Variants in ADAMTSL3 observed in about 807,000 individuals in gnomAD.
ADAMTSL3 encodes the protein ADAMTS-like protein 3.
Under a neutral mutation model 201.7 loss-of-function variants are expected in ADAMTSL3, and 128 were observed. That is an observed-to-expected ratio of 0.63 (90% confidence interval 0.55 to 0.73). ADAMTSL3 has a LOEUF of 0.73. Ranked by LOEUF, ADAMTSL3 falls within the 30% of genes least tolerant of loss-of-function variation. The pLI, the probability that ADAMTSL3 is intolerant of heterozygous loss-of-function variation, is 0.00. For missense variants in ADAMTSL3, 1,990 were observed against 2,119.6 expected (o/e 0.94, Z 1.20); for synonymous variants, 738 against 748.4 (o/e 0.99, Z 0.23).
chr15:84,002,936 C>CTTTTTTTTTTTTTTTTTTTT (rs368176543), intron 23 of ADAMTSL3, among the ~76,000 whole-genome samples: 131 of 99,916 alleles, frequency 1.3e-3, no homozygotes, highest in Non-Finnish European at 1.5e-3. Context: ...CTTTTCTTTT[C>CTTTTTTTTTTTTTTTTTTTT]TTTTTTTTTT....
chr15:83,857,202 T>A (rs532218906), intron 7 of ADAMTSL3, among the ~76,000 whole-genome samples: 1 of 152,332 alleles, frequency 6.6e-6, no homozygotes, highest in East Asian at 1.9e-4. Context: ...GTATTCTTTA[T>A]ATATGCTAGA....
chr15:83,927,954 C>G (rs1483332984), intron 17 of ADAMTSL3, among the ~76,000 whole-genome samples: 1 of 151,216 alleles, frequency 6.6e-6, no homozygotes, highest in Non-Finnish European at 1.5e-5. Context: ...AAAATTGTGA[C>G]TACAATTTGG....
rs1042262124 is a variant in ADAMTSL3 at position 83,970,559 on chromosome 15, A to G, written c.2566A>G (p.Ile856Val). 2.5e-6 allele frequency: 4 copies of G among 1,614,224 alleles called. No individual in the cohort carries two copies. The highest frequency in any genetic ancestry group is 1.7e-5 in the Admixed American group (1 of 60,026). ...CQRLAAKGRRIPLSEMMCRDL... is the reference protein window; with the variant it reads ...CQRLAAKGRRVPLSEMMCRDL... ...AAGGCTGGCAGCCAAAGGTCGGCGC[A>G]TCCCCCTCAGTGAGATGATGTGCAG... Residue 856 changes from isoleucine to valine, a missense_variant, in exon 20 of 30, where the codon ATC becomes GTC. Ile to Val is a conservative substitution (Grantham distance 29, BLOSUM62 3). Transcript: ENST00000286744.
At position 83,769,847 on chromosome 15, in the gene ADAMTSL3, G is replaced by A. The variant is rs149139251; in HGVS notation, c.190-3676G>A. Among the ~76,000 whole-genome samples, 33 of 149,816 alleles carry A rather than the reference G, an allele frequency of 2.2e-4. No individual in the cohort carries two copies. The East Asian group carries it at 5.7e-3, about 26-fold the overall frequency. On this transcript the variant is annotated intron_variant, in intron 3 of 29. Coordinates refer to ENST00000286744, the MANE Select transcript of ADAMTSL3 (RefSeq NM_207517.3). The stretch of plus-strand genomic sequence containing the variant: ...CTAAGGGCTTAAGGAAACCTTTGCA[G>A]TATCTAGTTCAGTCACATGCTGCAG...
At chr15:83,970,673 CT>C (rs757305224) in intron 20 of ADAMTSL3, 36 bp downstream of exon 20, 36 of 1,607,744 alleles carry the variant, frequency 2.2e-5, no homozygotes, top group Non-Finnish European at 2.9e-5. Flanking sequence ...CCAAGATATG[CT>C]GATTCTGTTC....
intron 6 of ADAMTSL3, among the ~76,000 whole-genome samples, chr15:83,830,640 A>G (rs2064136446): frequency 6.6e-6 from 1 of 152,228 alleles, no homozygotes; most frequent in Non-Finnish European, 1.5e-5. Context: ...GGCAGCTGTG[A>G]CAAATTACCA....
chr15:83,739,063 C>A (rs1281097243), intron 3 of ADAMTSL3, among the ~76,000 whole-genome samples: 1 of 150,760 alleles, frequency 6.6e-6, no homozygotes, highest in African/African-American at 2.4e-5. Flanking sequence ...AATAAAATAG[C>A]AGAAAAATCT....
chr15:83,945,894 C>T (rs2066646391), intron 19 of ADAMTSL3: 1 of 152,198 alleles, frequency 6.6e-6, no homozygotes, highest in African/African-American at 2.4e-5. Flanking sequence ...GTTTCCTTAC[C>T]TGCCTCTCAT....
chr15:83,825,019 C>T (rs2063991719), intron 6 of ADAMTSL3: 1 of 152,182 alleles, frequency 6.6e-6, no homozygotes, highest in Non-Finnish European at 1.5e-5. Flanking sequence ...CCTTTTCACA[C>T]TGAATAATAT....
intron 23 of ADAMTSL3, among the ~76,000 whole-genome samples, chr15:83,991,432 C>G (rs567895004): frequency 6.6e-6 from 1 of 152,230 alleles, no homozygotes; most frequent in Non-Finnish European, 1.5e-5. Flanking sequence ...TGCCAAGTTA[C>G]TTGTTTCCAG....
chr15:83,774,376 A>G (rs1488689682), intron 4 of ADAMTSL3, among the ~76,000 whole-genome samples: 2 of 152,278 alleles, frequency 1.3e-5, no homozygotes, highest in Admixed American at 1.3e-4. Context: ...GATACAGAGT[A>G]GAAATGCAGG....
At chr15:83,874,572 T>C (rs945533686) in intron 9 of ADAMTSL3, among the ~76,000 whole-genome samples, 6 of 143,728 alleles carry the variant, frequency 4.2e-5, no homozygotes, top group Non-Finnish European at 7.5e-5. Context: ...TTTGTGCCTG[T>C]TACCCCTGCT....
intron 8 of ADAMTSL3, among the ~76,000 whole-genome samples, chr15:83,866,458 A>G (rs2064979397): frequency 6.6e-6 from 1 of 152,216 alleles, no homozygotes; most frequent in African/African-American, 2.4e-5. Context: ...TGTCCTTTGT[A>G]GGGACATGGA....
intron 2 of ADAMTSL3, among the ~76,000 whole-genome samples, chr15:83,663,752 G>C (rs1390382166): frequency 1.3e-5 from 2 of 152,132 alleles, no homozygotes; most frequent in Non-Finnish European, 2.9e-5. Context: ...GAAGATCTTG[G>C]GTCGTCTTGG....
chr15:83,726,532 G>A (rs1313622277), intron 3 of ADAMTSL3, among the ~76,000 whole-genome samples: 12 of 152,034 alleles, frequency 7.9e-5, no homozygotes, highest in African/African-American at 2.7e-4. Flanking sequence ...CTCTGGGTCT[G>A]TTATATATGG....
chr15:83,782,132 G>A (rs1185612685), intron 4 of ADAMTSL3, among the ~76,000 whole-genome samples: 1 of 152,110 alleles, frequency 6.6e-6, no homozygotes, highest in Non-Finnish European at 1.5e-5. Flanking sequence ...TGTGTTCACT[G>A]CAGCACTATT....
chr15:83,657,000 A>G (rs998223257), intron 2 of ADAMTSL3, among the ~76,000 whole-genome samples: 5 of 152,086 alleles, frequency 3.3e-5, no homozygotes, highest in Admixed American at 2.0e-4. Flanking sequence ...CCACTATCCC[A>G]TTTTATCGAT....
chr15:83,695,708 G>C (rs900053818), intron 2 of ADAMTSL3, among the ~76,000 whole-genome samples: 1 of 151,896 alleles, frequency 6.6e-6, no homozygotes, highest in African/African-American at 2.4e-5. Context: ...TTTTTATCTT[G>C]GAAAAAAATG....
intron 3 of ADAMTSL3, chr15:83,739,929 C>T (rs1448704791): frequency 2.3e-5 from 13 of 567,712 alleles, no homozygotes; most frequent in Non-Finnish European, 1.4e-5. Context: ...ACGCATCCTT[C>T]AACACCTTCT....
Sources: allele counts gnomAD v4.1 joint callset (sites outside exome capture counted in the v4.1 genomes callset), GRCh38; gene constraint gnomAD v4.1.1; transcripts MANE v1.5; gene names NCBI Gene and HGNC (gene_info 2026-07-23, HGNC 2026-07-21).